Variants in MEG3 observed in about 807,000 individuals in gnomAD.
MEG3 encodes the protein Very putative protein from MEG3 locus.
upstream of MEG3, chr14:100,854,369 T>G (rs1369635763): frequency 2.0e-5 from 3 of 152,148 alleles, no homozygotes; most frequent in East Asian, 5.8e-4. Flanking sequence ...GTCCTTGGGA[T>G]GTAGGGAGCC....
intron 1 of MEG3, among the ~76,000 whole-genome samples, chr14:100,826,647 G>A (rs951593293): frequency 6.6e-6 from 1 of 152,196 alleles, no homozygotes; most frequent in Admixed American, 6.5e-5. Context: ...CATGAATTAG[G>A]GGGGGAAGCA....
intron 1 of MEG3, among the ~76,000 whole-genome samples, chr14:100,827,176 G>A (rs940810449): frequency 6.6e-5 from 10 of 152,168 alleles, no homozygotes; most frequent in African/African-American, 2.4e-4. Context: ...ATCGCCTTTT[G>A]CCATTTCCTT....
upstream of MEG3, chr14:100,852,364 G>A (rs2139998693): frequency 1.9e-6 from 1 of 533,606 alleles, no homozygotes; most frequent in East Asian, 5.4e-5. Flanking sequence ...GCATTTGGAA[G>A]GCGGAGGACA....
chr14:100,844,870 G>A (rs950046928), intron 2 of MEG3, among the ~76,000 whole-genome samples: 2 of 152,340 alleles, frequency 1.3e-5, no homozygotes, highest in East Asian at 3.9e-4. Context: ...TCTTGACACT[G>A]AAGACTCGAT....
downstream of MEG3, chr14:100,830,964 C>A (rs1489444008): frequency 6.6e-6 from 1 of 152,582 alleles, no homozygotes. Context: ...CTTTTGTCTT[C>A]CAGAGACTGG....
chr14:100,841,653 T>C (rs944481756), intron 2 of MEG3, among the ~76,000 whole-genome samples: 7 of 151,974 alleles, frequency 4.6e-5, no homozygotes, highest in African/African-American at 1.5e-4. Flanking sequence ...GGGGTCACAG[T>C]CACCGGTCAT....
chr14:100,841,063 A>G (rs927874609), intron 2 of MEG3, among the ~76,000 whole-genome samples: 6 of 152,140 alleles, frequency 3.9e-5, no homozygotes, highest in Non-Finnish European at 7.4e-5. Flanking sequence ...GGTGGCCCGC[A>G]GGGATGGTGG....
chr14:100,828,264 C>G (rs1018826214), intron 1 of MEG3, among the ~76,000 whole-genome samples: 2 of 152,058 alleles, frequency 1.3e-5, no homozygotes, highest in African/African-American at 4.8e-5. Context: ...GCCCCGCTAC[C>G]TTGGGTTTTG....
intron 2 of MEG3, among the ~76,000 whole-genome samples, chr14:100,841,657 C>T (rs371967531): frequency 1.6e-4 from 25 of 152,174 alleles, no homozygotes; most frequent in African/African-American, 1.9e-4. Context: ...TCACAGTCAC[C>T]GGTCATTAGT....
Position 100,859,569 on chromosome 14 carries a change from C to G in MEG3, n.2325C>G, listed in dbSNP as rs1038415004. On this transcript the variant is annotated non_coding_transcript_exon_variant, in exon 1 of 2. Coordinates refer to the MEG3 transcript ENST00000398460. ...GAGGAGGCTGTTCTACCTGAGAAGT[C>G]TTTGTCCCCACCGTTGGTGACAATC... 15 of 152,054 alleles carry G rather than the reference C, an allele frequency of 9.9e-5. 1 individual carries two copies. Among genetic ancestry groups the G allele is most frequent in the Admixed American group, 5.2e-4 (8 of 15,272 alleles). The allele number at this position is 152,054 out of a possible 1,614,324, so 9.4% of individuals were successfully genotyped here.
chr14:100,835,015 C>T (rs2037521203), exon 1 of MEG3: 2 of 356,934 alleles, frequency 5.6e-6, no homozygotes, highest in Non-Finnish European at 1.1e-5. Context: ...TAGCCCATCC[C>T]TTGATGGCCT....
exon 1 of MEG3, chr14:100,834,477 C>G (rs2037495046): frequency 3.2e-6 from 1 of 315,802 alleles, no homozygotes; most frequent in Non-Finnish European, 6.2e-6. Flanking sequence ...GGTTTCTGGA[C>G]TTTTCTGAGG....
Position 100,837,128 on chromosome 14 carries a change from G to C in MEG3, n.3045+828G>C, listed in dbSNP as rs1476469192. 6.6e-6 allele frequency among the ~76,000 whole-genome samples: 1 copy of C among 152,192 alleles called. No individual in the cohort carries two copies. The highest frequency in any genetic ancestry group is 1.5e-5 in the Non-Finnish European group (1 of 68,036). On this transcript the variant is annotated intron_variant and non_coding_transcript_variant, in intron 2 of 3. Coordinates refer to the MEG3 transcript ENST00000398461. The surrounding 1 kb of genome is among the most constrained non-coding windows in gnomAD (Gnocchi z 5.8). ...TGCCGTGGAGCACCCATGCAGCAAGGTGGCTTGCACAGCAGCCAGGCGAGG... is the reference window on the plus strand; with the variant it reads ...TGCCGTGGAGCACCCATGCAGCAAGCTGGCTTGCACAGCAGCCAGGCGAGG...
chr14:100,858,160 G>A (rs1406305628), exon 1 of MEG3: 1 of 152,662 alleles, frequency 6.6e-6, no homozygotes, highest in African/African-American at 2.4e-5. Context: ...CTCCTGCCTG[G>A]TCCGGCTCAC....
rs1450626869 is a variant in MEG3 at position 100,845,647 on chromosome 14, G to C, written n.3121+114G>C. The C allele has an allele frequency of 2.7e-6, 1 of 376,390 alleles. No homozygotes were observed. Among genetic ancestry groups the C allele is most frequent in the Non-Finnish European group, 5.3e-6 (1 of 187,588 alleles). The allele number at this position is 376,390 out of a possible 1,614,324, so 23.3% of individuals were successfully genotyped here. ...GTGGAGGGGCTGGCGGGCACTGGCC[G>C]GGGGTCTGTGCACCGGGAGGTGGGT... On this transcript the variant is annotated intron_variant and non_coding_transcript_variant, in intron 3 of 3. Coordinates refer to the MEG3 transcript ENST00000398461. The surrounding 1 kb of genome is among the most constrained non-coding windows in gnomAD (Gnocchi z 5.2).
chr14:100,834,062 G>A (rs909706160), downstream of MEG3: 3 of 152,316 alleles, frequency 2.0e-5, no homozygotes, highest in African/African-American at 7.2e-5. Context: ...CTTTTGCCAA[G>A]GCGAGACTTT....
intron 1 of MEG3, chr14:100,860,379 T>G: frequency 3.1e-6 from 1 of 326,870 alleles, no homozygotes; most frequent in South Asian, 2.3e-5. Context: ...GGGTTCTGGG[T>G]TATCAAGGTG....
At chr14:100,850,881 G>T (rs2038052305) in intron 3 of MEG3, 1 of 152,310 alleles carries the variant, frequency 6.6e-6, no homozygotes, top group Non-Finnish European at 1.5e-5. Context: ...TAGGAAGAAA[G>T]GAAGGAGGGA....
At chr14:100,826,956 T>A (rs1241221550) in intron 1 of MEG3, among the ~76,000 whole-genome samples, 1 of 140,924 alleles carries the variant, frequency 7.1e-6, no homozygotes, top group African/African-American at 2.7e-5. Context: ...TTGGGGGCAC[T>A]GGGAGAATAG....
Sources: allele counts gnomAD v4.1 joint callset (sites outside exome capture counted in the v4.1 genomes callset), GRCh38; gene constraint gnomAD v4.1.1; non-coding constraint Gnocchi (gnomAD v3.1); transcripts MANE v1.5; gene names NCBI Gene and HGNC (gene_info 2026-07-23, HGNC 2026-07-21).